TATDN3: variants seen among roughly 807,000 people sequenced by gnomAD.
TATDN3 encodes deoxyribonuclease TATDN3.
A neutral mutation model predicts 40.1 loss-of-function variants in TATDN3; 29 were observed. The ratio of observed to expected loss-of-function variants is 0.72; its 90% CI spans 0.54 to 0.99. TATDN3 has a LOEUF of 0.99. TATDN3 is among the 50% of genes least tolerant of loss of function. TATDN3 has a pLI of 0.00. For synonymous variants in TATDN3, 105 were observed against 117.0 expected, an observed-to-expected ratio of 0.90 and a Z score of 0.66; for missense variants, 309 against 321.9, an observed-to-expected ratio of 0.96 and a Z score of 0.31.
chr1:212,805,729 C>T (rs1558082805), intron 7 of TATDN3, among the ~76,000 whole-genome samples: 2 of 152,170 alleles, frequency 1.3e-5, no homozygotes. Flanking sequence ...GGCCATCATA[C>T]ATACACACTC....
chr1:212,792,113 A>C, intron 1 of TATDN3, 126 bp downstream of exon 1: 1 of 920,972 alleles, frequency 1.1e-6, no homozygotes, highest in Non-Finnish European at 1.7e-6. Context: ...GTTTATGGCC[A>C]TATGACCTTG....
chr1:212,809,684 C>T (rs77439726), intron 8 of TATDN3, among the ~76,000 whole-genome samples: 1 of 82,346 alleles, frequency 1.2e-5, no homozygotes, highest in Non-Finnish European at 2.5e-5. Context: ...GACTCCGTCT[C>T]AAAAAAAAAA....
intron 4 of TATDN3, among the ~76,000 whole-genome samples, chr1:212,799,471 A>G (rs1662034157): frequency 6.6e-6 from 1 of 152,140 alleles, no homozygotes; most frequent in Non-Finnish European, 1.5e-5. Flanking sequence ...ATTTGGCATT[A>G]ATATAGAATT....
At position 212,795,169 on chromosome 1, in the gene TATDN3, A is replaced by T. The variant is rs779906736; in HGVS notation, c.99+42A>T. On this transcript the variant is annotated intron_variant, in intron 2 of 9. Coordinates refer to ENST00000366974, the MANE Select transcript of TATDN3 (RefSeq NM_001042552.3). The stretch of plus-strand genomic sequence containing the variant: ...AATTGCTCTTTTGGTTTTTTATTTT[A>T]ACTATCATTTCAAGCCAAAACAGCT... The T allele has an allele frequency of 1.7e-5, 27 of 1,548,584 alleles. No homozygotes were observed. The South Asian group carries it at 2.9e-4, about 17-fold the overall frequency.
chr1:212,806,058 T>G (rs1442111072), intron 7 of TATDN3, among the ~76,000 whole-genome samples: 1 of 152,166 alleles, frequency 6.6e-6, no homozygotes, highest in Non-Finnish European at 1.5e-5. Context: ...TGTCAAATAA[T>G]AAAGTAAATG....
intron 8 of TATDN3, among the ~76,000 whole-genome samples, chr1:212,811,251 A>G (rs1044059204): frequency 2.7e-5 from 4 of 149,966 alleles, no homozygotes; most frequent in African/African-American, 9.8e-5. Flanking sequence ...TTCTGCCTCA[A>G]CCTCCCGAGT....
intron 5 of TATDN3, 133 bp from the exon 6 acceptor site, chr1:212,804,187 T>G (rs1254878700): frequency 5.2e-6 from 3 of 581,862 alleles, no homozygotes; most frequent in Non-Finnish European, 9.1e-6. Context: ...ATGTGGCTAC[T>G]AGAATTAATA....
intron 4 of TATDN3, among the ~76,000 whole-genome samples, chr1:212,801,638 G>A (rs1468191131): frequency 1.3e-5 from 2 of 152,124 alleles, no homozygotes; most frequent in Non-Finnish European, 2.9e-5. Flanking sequence ...GTCCCTCTGA[G>A]ATCTCAGAGA....
intron 8 of TATDN3, among the ~76,000 whole-genome samples, chr1:212,809,626 A>G (rs560607344): frequency 7.2e-5 from 11 of 151,938 alleles, no homozygotes; most frequent in Admixed American, 3.3e-4. Context: ...CAGAGCCTGC[A>G]GTGAGCCGAG....
At chr1:212,794,987 T>C (rs996037896) in intron 1 of TATDN3, 108 bp from the exon 2 acceptor site, 88 of 847,478 alleles carry the variant, frequency 1.0e-4, no homozygotes, top group Middle Eastern at 4.4e-4. Context: ...ACTCCATTAG[T>C]TGCTATCATT....
intron 1 of TATDN3, among the ~76,000 whole-genome samples, chr1:212,793,883 A>T (rs1459355526): frequency 6.6e-6 from 1 of 152,144 alleles, no homozygotes; most frequent in Non-Finnish European, 1.5e-5. Flanking sequence ...GAGAAAATAA[A>T]GATTTATGTT....
intron 4 of TATDN3, among the ~76,000 whole-genome samples, chr1:212,800,604 G>A (rs1662110657): frequency 6.6e-6 from 1 of 152,004 alleles, no homozygotes; most frequent in Non-Finnish European, 1.5e-5. Flanking sequence ...AAAATCTATT[G>A]TAATTATTTA....
rs114191443 is a variant in TATDN3 at position 212,813,030 on chromosome 1, G to T, written c.681+702G>T. Among the ~76,000 whole-genome samples, 12 of 152,048 alleles carry T rather than the reference G, an allele frequency of 7.9e-5. No homozygotes were observed. The South Asian group carries it at 2.5e-3, about 32-fold the overall frequency. On this transcript the variant is annotated intron_variant, in intron 9 of 9. Transcript: ENST00000366974. The stretch of plus-strand genomic sequence containing the variant: ...CTCAAAAAAAAAAGAAAAGATTATG[G>T]TAAGTATTACATGAAGTAACGTATG...
Position 212,815,321 on chromosome 1 carries a change from C to T in TATDN3, c.*165C>T, listed in dbSNP as rs1489444602. The T allele has an allele frequency of 2.0e-5, 16 of 784,736 alleles. No homozygotes were observed. The highest frequency in any genetic ancestry group is 2.7e-5 in the Non-Finnish European group (15 of 551,444). The allele number at this position is 784,736 out of a possible 1,614,324, so 48.6% of individuals were successfully genotyped here. ...CTTAGAAATAAAACTGGGCTTGGATCCTGAAACCCTGGGTTCTGATTCTAG... is the reference window on the plus strand; with the variant it reads ...CTTAGAAATAAAACTGGGCTTGGATTCTGAAACCCTGGGTTCTGATTCTAG... On this transcript the variant is annotated 3_prime_UTR_variant, in exon 10 of 10. Transcript: ENST00000366974.
intron 8 of TATDN3, among the ~76,000 whole-genome samples, chr1:212,811,849 C>A (rs894507459): frequency 6.6e-6 from 1 of 151,682 alleles, no homozygotes; most frequent in African/African-American, 2.4e-5. Flanking sequence ...ATTACAGGTG[C>A]CTGCCACCAT....
intron 9 of TATDN3, among the ~76,000 whole-genome samples, chr1:212,813,892 G>A (rs1373439898): frequency 6.6e-6 from 1 of 151,776 alleles, no homozygotes; most frequent in Non-Finnish European, 1.5e-5. Flanking sequence ...TGTATTTTTA[G>A]TGCACATATA....
intron 9 of TATDN3, among the ~76,000 whole-genome samples, chr1:212,813,694 C>A (rs1366199726): frequency 6.6e-6 from 1 of 150,710 alleles, no homozygotes; most frequent in Non-Finnish European, 1.5e-5. Flanking sequence ...CCATGCCTGG[C>A]TACTTGTTTT....
chr1:212,797,298 C>A, intron 4 of TATDN3, 102 bp downstream of exon 4: 4 of 854,822 alleles, frequency 4.7e-6, no homozygotes, highest in Middle Eastern at 2.3e-4. Flanking sequence ...AGGAAATAAT[C>A]CAAAAGAAGG....
intron 8 of TATDN3, among the ~76,000 whole-genome samples, chr1:212,808,380 G>A (rs888269330): frequency 2.7e-5 from 4 of 150,856 alleles, no homozygotes; most frequent in African/African-American, 7.3e-5. Context: ...TCCTTGATTA[G>A]GCTGTGGCTT....
Sources: allele counts gnomAD v4.1 joint callset (sites outside exome capture counted in the v4.1 genomes callset), GRCh38; gene constraint gnomAD v4.1.1; transcripts MANE v1.5; gene names NCBI Gene and HGNC (gene_info 2026-07-23, HGNC 2026-07-21).